Variants in ADAMTS6 observed in about 807,000 individuals in gnomAD.
ADAMTS6 encodes the protein A disintegrin and metalloproteinase with thrombospondin motifs 6.
ADAMTS6 carries 23 observed loss-of-function variants against 144.3 expected under a neutral mutation model. The ratio of observed to expected loss-of-function variants is 0.16; its 90% confidence interval spans 0.11 to 0.23. ADAMTS6 has a LOEUF of 0.23. ADAMTS6 is among the 10% of genes least tolerant of loss of function. ADAMTS6 has a pLI of 1.00. For synonymous variants in ADAMTS6, 444 were observed against 457.5 expected (o/e 0.97, Z 0.38); for missense variants, 999 against 1,379.6 (o/e 0.72, Z 4.37).
intron 9 of ADAMTS6, among the ~76,000 whole-genome samples, chr5:65,313,877 A>G (rs1041847716): frequency 3.9e-5 from 6 of 152,100 alleles, no homozygotes; most frequent in Non-Finnish European, 8.8e-5. Context: ...TGCATCATTC[A>G]TTAGCAATTA....
chr5:65,383,949 C>A (rs995170697), intron 7 of ADAMTS6, among the ~76,000 whole-genome samples: 9 of 152,304 alleles, frequency 5.9e-5, no homozygotes, highest in Admixed American at 5.9e-4. Flanking sequence ...ACCACCCATG[C>A]CTTTTGGAAA....
intron 7 of ADAMTS6, among the ~76,000 whole-genome samples, chr5:65,424,460 T>C (rs1454905429): frequency 6.6e-6 from 1 of 152,214 alleles, no homozygotes; most frequent in Non-Finnish European, 1.5e-5. Context: ...GGAAAATAAG[T>C]ACACAAAGTT....
intron 16 of ADAMTS6, among the ~76,000 whole-genome samples, chr5:65,225,382 A>G (rs898268203): frequency 6.6e-6 from 1 of 152,224 alleles, no homozygotes; most frequent in African/African-American, 2.4e-5. Flanking sequence ...ACTAAGTAAA[A>G]TGGTGCTTTT....
intron 7 of ADAMTS6, among the ~76,000 whole-genome samples, chr5:65,371,119 T>A (rs180787324): frequency 0.016 from 2,457 of 152,058 alleles, 34 homozygotes; most frequent in East Asian, 0.081. Flanking sequence ...AACCAATCTG[T>A]ACAACACCAT....
At chr5:65,230,734 A>T in intron 15 of ADAMTS6, among the ~76,000 whole-genome samples, 1 of 102,822 alleles carries the variant, frequency 9.7e-6, no homozygotes, top group Admixed American at 1.2e-4. Context: ...TGAAATATAT[A>T]TATAACACAT....
At chr5:65,372,309 G>A (rs1426038398) in intron 7 of ADAMTS6, among the ~76,000 whole-genome samples, 2 of 151,666 alleles carry the variant, frequency 1.3e-5, no homozygotes, top group Non-Finnish European at 2.9e-5. Context: ...GACACAGACT[G>A]GCAAATTGGA....
intron 7 of ADAMTS6, among the ~76,000 whole-genome samples, chr5:65,367,941 A>G (rs568770429): frequency 6.6e-6 from 1 of 152,066 alleles, no homozygotes; most frequent in Non-Finnish European, 1.5e-5. Context: ...TCTATTTGTG[A>G]TTGTACCATG....
chr5:65,320,906 T>C (rs552232765), intron 9 of ADAMTS6, among the ~76,000 whole-genome samples: 1 of 152,334 alleles, frequency 6.6e-6, no homozygotes, highest in East Asian at 1.9e-4. Flanking sequence ...CTGCATAGTA[T>C]TCCATGGTGT....
intron 9 of ADAMTS6, among the ~76,000 whole-genome samples, chr5:65,307,797 T>C (rs1744078712): frequency 6.6e-6 from 1 of 152,218 alleles, no homozygotes. Flanking sequence ...AACAAGACAC[T>C]CTTTTATATC....
At chr5:65,453,999 T>TG (rs1758973378) in intron 4 of ADAMTS6, among the ~76,000 whole-genome samples, 3 of 152,098 alleles carry the variant, frequency 2.0e-5, no homozygotes, top group Admixed American at 2.0e-4. Flanking sequence ...CTTTAAGAGG[T>TG]GATTAAAACT....
intron 7 of ADAMTS6, among the ~76,000 whole-genome samples, chr5:65,355,541 A>G (rs943322829): frequency 6.6e-6 from 1 of 151,902 alleles, no homozygotes; most frequent in African/African-American, 2.4e-5. Flanking sequence ...CTCAAATCAC[A>G]TGCCTTCTCT....
intron 18 of ADAMTS6, among the ~76,000 whole-genome samples, chr5:65,218,290 T>C (rs1357478489): frequency 6.6e-6 from 1 of 152,136 alleles, no homozygotes; most frequent in Non-Finnish European, 1.5e-5. Flanking sequence ...ATAAAGAATA[T>C]TCTGGATTTA....
intron 21 of ADAMTS6, among the ~76,000 whole-genome samples, chr5:65,189,368 G>T (rs1212308611): frequency 6.6e-6 from 1 of 152,158 alleles, no homozygotes; most frequent in Non-Finnish European, 1.5e-5. Context: ...TGGAGCAAAA[G>T]GGACCCTTTC....
intron 9 of ADAMTS6, among the ~76,000 whole-genome samples, chr5:65,324,650 A>C (rs560534709): frequency 6.6e-6 from 1 of 152,184 alleles, no homozygotes; most frequent in South Asian, 2.1e-4. Flanking sequence ...TATACACATA[A>C]ATATGATGAA....
At chr5:65,422,807 G>A (rs1756181993) in intron 7 of ADAMTS6, among the ~76,000 whole-genome samples, 1 of 152,062 alleles carries the variant, frequency 6.6e-6, no homozygotes, top group Non-Finnish European at 1.5e-5. Context: ...TCTACCCAAA[G>A]GAAAAGAAGT....
Position 65,322,561 on chromosome 5 carries a change from G to GTT in ADAMTS6, c.1223+6815_1223+6816dup, listed in dbSNP as rs3049530. Among the ~76,000 whole-genome samples, 1,066 of 118,400 alleles carry GTT rather than the reference G, an allele frequency of 9.0e-3. 27 individuals are homozygous for GTT. The highest frequency in any genetic ancestry group is 0.032 in the African/African-American group (1,009 of 31,716). 77.7% of individuals were successfully genotyped at this position (118,400 alleles called of 152,430 possible). The stretch of plus-strand genomic sequence containing the variant: ...TGATTTCTTTGAGCAGTGGTATGTA[G>GTT]TTTTTTTTTTTTTTTTTTGTAGAGA... On this transcript the variant is annotated intron_variant, in intron 9 of 24. Transcript: ENST00000381055.
At chr5:65,451,995 G>A (rs375207811) in intron 6 of ADAMTS6, 138 bp downstream of exon 6, 1 of 682,460 alleles carries the variant, frequency 1.5e-6, no homozygotes. Context: ...GATATTAAAT[G>A]TGTAGAGCTA....
chr5:65,205,345 T>G (rs554872251), intron 20 of ADAMTS6, among the ~76,000 whole-genome samples: 1 of 152,332 alleles, frequency 6.6e-6, no homozygotes, highest in South Asian at 2.1e-4. Context: ...TTAGTGATAT[T>G]AAATGTGTTA....
At chr5:65,437,340 T>C (rs903831769) in intron 7 of ADAMTS6, among the ~76,000 whole-genome samples, 15 of 152,064 alleles carry the variant, frequency 9.9e-5, no homozygotes, top group Admixed American at 6.5e-5. Context: ...GTGATCCACC[T>C]ACCTCAGCCT....
Sources: gnomAD v4.1 joint callset for allele counts (sites outside exome capture counted in the v4.1 genomes callset) on GRCh38, gnomAD v4.1.1 for gene constraint, MANE v1.5 for transcripts, NCBI Gene and HGNC (gene_info 2026-07-23, HGNC 2026-07-21) for gene names.